Variants in MCTP2 observed in about 807,000 individuals in gnomAD.
MCTP2 encodes the protein multiple C2 and transmembrane domain containing 2.
In MCTP2, 132 loss-of-function variants were observed where a neutral mutation model predicts 111.6. The ratio of observed to expected loss-of-function variants is 1.18; its 90% CI spans 1.03 to 1.37. The LOEUF (loss-of-function observed/expected upper bound fraction) is 1.37, where lower values mean the gene tolerates loss of function less well. Ranked by LOEUF, MCTP2 falls within the 40% of genes most tolerant of loss-of-function variation. The probability of loss-of-function intolerance (pLI) is 0.00; values close to 1 mark genes in which losing one functional copy is unlikely to be tolerated. For missense variants in MCTP2, 1,183 were observed against 1,067.9 expected, an observed-to-expected ratio of 1.11 and a Z score of -1.50; for synonymous variants, 395 against 387.7, an observed-to-expected ratio of 1.02 and a Z score of -0.22.
intron 1 of MCTP2, among the ~76,000 whole-genome samples, chr15:94,289,258 A>G (rs1275560855): frequency 6.6e-6 from 1 of 152,244 alleles, no homozygotes; most frequent in Non-Finnish European, 1.5e-5. Context: ...GATATATGGA[A>G]GAACAATGAT....
intron 17 of MCTP2, among the ~76,000 whole-genome samples, chr15:94,412,980 C>T (rs935310066): frequency 6.6e-6 from 1 of 151,888 alleles, no homozygotes; most frequent in South Asian, 2.1e-4. Context: ...ATTTCATTGG[C>T]GATTTTTACA....
At chr15:94,461,229 G>C (rs2085185265) in intron 20 of MCTP2, among the ~76,000 whole-genome samples, 1 of 152,180 alleles carries the variant, frequency 6.6e-6, no homozygotes, top group Non-Finnish European at 1.5e-5. Context: ...GGAGGCTGAG[G>C]TGGGCGGATC....
chr15:94,274,717 A>G (rs938324473), intron 1 of MCTP2, among the ~76,000 whole-genome samples: 2 of 152,138 alleles, frequency 1.3e-5, no homozygotes, highest in African/African-American at 2.4e-5. Context: ...AATAATTTAA[A>G]TTTATTATTA....
At chr15:94,256,102 T>C (rs1286531215) in intron 1 of MCTP2, among the ~76,000 whole-genome samples, 1 of 152,158 alleles carries the variant, frequency 6.6e-6, no homozygotes, top group Admixed American at 6.5e-5. Flanking sequence ...CAAAAGCTTT[T>C]GAGTGCAGAC....
chr15:94,267,814 A>C (rs2073634171), intron 1 of MCTP2, among the ~76,000 whole-genome samples: 1 of 150,394 alleles, frequency 6.6e-6, no homozygotes, highest in Non-Finnish European at 1.5e-5. Context: ...TCTAGGAGGC[A>C]GTTGGTTTAG....
chr15:94,310,724 TAA>T (rs1276248215), intron 2 of MCTP2, among the ~76,000 whole-genome samples: 42 of 150,680 alleles, frequency 2.8e-4, no homozygotes, highest in Non-Finnish European at 2.4e-4. Flanking sequence ...AAATAATATA[TAA>T]TACTACAACA....
At chr15:94,343,749 A>G (rs1337144548) in intron 7 of MCTP2, 2 of 152,202 alleles carry the variant, frequency 1.3e-5, no homozygotes, top group Non-Finnish European at 2.9e-5. Context: ...TCTAAGCTAT[A>G]ATTTCCTCAT....
intron 22 of MCTP2, among the ~76,000 whole-genome samples, chr15:94,478,578 A>G (rs983551561): frequency 6.6e-6 from 1 of 152,140 alleles, no homozygotes; most frequent in African/African-American, 2.4e-5. Flanking sequence ...TTTCCCCAAG[A>G]TTTTAGATAT....
At chr15:94,245,702 ATG>A (rs1375033847) in intron 1 of MCTP2, among the ~76,000 whole-genome samples, 1,442 of 142,064 alleles carry the variant, frequency 0.01, 18 homozygotes, top group African/African-American at 0.033. Flanking sequence ...ATATAAATAT[ATG>A]TGTGTGTGTG....
At chr15:94,377,796 C>T (rs768960453) in intron 12 of MCTP2, among the ~76,000 whole-genome samples, 6 of 151,938 alleles carry the variant, frequency 3.9e-5, no homozygotes, top group Non-Finnish European at 5.9e-5. Flanking sequence ...ACTGCAGATA[C>T]CGCAGGAAGT....
At chr15:94,453,677 TAAA>T (rs1005661711) in intron 19 of MCTP2, among the ~76,000 whole-genome samples, 4 of 151,126 alleles carry the variant, frequency 2.6e-5, no homozygotes, top group African/African-American at 7.3e-5. Flanking sequence ...AGTATATAAA[TAAA>T]AACACAAAGA....
intron 17 of MCTP2, among the ~76,000 whole-genome samples, chr15:94,415,325 G>A (rs563119704): frequency 7.2e-5 from 11 of 151,882 alleles, no homozygotes; most frequent in Non-Finnish European, 1.0e-4. Flanking sequence ...TAACCTAGAC[G>A]GTGTCAAAGG....
chr15:94,276,127 A>C (rs528342483), intron 1 of MCTP2, among the ~76,000 whole-genome samples: 1 of 152,154 alleles, frequency 6.6e-6, no homozygotes, highest in African/African-American at 2.4e-5. Flanking sequence ...TACAGGTGTG[A>C]GCCACCGTGC....
chr15:94,246,616 C>T lies in MCTP2; in HGVS notation c.-66+14952C>T, dbSNP rs760073942. On this transcript the variant is annotated intron_variant, in intron 1 of 22. Transcript: ENST00000357742. ...TAAAAACTCATTTGCAGTATTTTAG[C>T]TCAGTGGGAAGATTGATTTGGATGT... Among the ~76,000 whole-genome samples the T allele has an allele frequency of 3.9e-4, 59 of 152,142 alleles. 1 individual carries two copies. The highest frequency in any genetic ancestry group is 7.6e-4 in the Non-Finnish European group (52 of 68,020).
At position 94,379,028 on chromosome 15, in the gene MCTP2, G is replaced by T. The variant is rs562277135; in HGVS notation, c.1583-4994G>T. Among the ~76,000 whole-genome samples, 181 of 152,080 alleles carry T rather than the reference G, an allele frequency of 1.2e-3. 1 individual carries two copies. The highest frequency in any genetic ancestry group is 2.2e-3 in the Non-Finnish European group (152 of 67,994). On this transcript the variant is annotated intron_variant, in intron 12 of 22. Transcript: ENST00000357742. ...TTGCAGAGAAAGTGCCACAAAGAAG[G>T]CAAGGTTAAACTAGGCCTGAGAAGT... is the stretch of plus-strand genomic sequence containing the variant.
At chr15:94,241,307 G>T (rs915575625) in intron 1 of MCTP2, among the ~76,000 whole-genome samples, 3 of 152,150 alleles carry the variant, frequency 2.0e-5, no homozygotes, top group South Asian at 4.1e-4. Flanking sequence ...CATCGGTGTT[G>T]TTTAATATTC....
intron 14 of MCTP2, among the ~76,000 whole-genome samples, chr15:94,393,117 TAAAG>T (rs370051467): frequency 6.6e-4 from 100 of 152,204 alleles, no homozygotes; most frequent in Admixed American, 1.6e-3. Flanking sequence ...TCTATGAACA[TAAAG>T]AAAATTCATA....
chr15:94,283,599 G>C (rs1054868130), intron 1 of MCTP2, among the ~76,000 whole-genome samples: 3 of 152,172 alleles, frequency 2.0e-5, no homozygotes, highest in Non-Finnish European at 2.9e-5. Flanking sequence ...GGCCAGGAAT[G>C]AGTCTTACTG....
intron 13 of MCTP2, among the ~76,000 whole-genome samples, chr15:94,384,879 C>T (rs144845503): frequency 1.5e-3 from 233 of 152,296 alleles, no homozygotes; most frequent in African/African-American, 4.9e-3. Flanking sequence ...TTCCCTAACA[C>T]GTTGCCAATG....
Sources: gnomAD v4.1 joint callset for allele counts (sites outside exome capture counted in the v4.1 genomes callset) on GRCh38, gnomAD v4.1.1 for gene constraint, MANE v1.5 for transcripts, NCBI Gene and HGNC (gene_info 2026-07-23, HGNC 2026-07-21) for gene names.